Variants in GAS7 observed in about 807,000 individuals in gnomAD.
The protein encoded by GAS7 is growth arrest specific 7, also known as growth arrest-specific protein 7.
In GAS7, 28 loss-of-function variants were observed where a neutral mutation model predicts 71.1. The ratio of observed to expected loss-of-function variants is 0.39; its 90% CI spans 0.29 to 0.54. The LOEUF is 0.54. Ranked by LOEUF, GAS7 falls within the 20% of genes least tolerant of loss-of-function variation. The pLI is 0.62. For synonymous variants in GAS7, 258 were observed against 245.8 expected, an observed-to-expected ratio of 1.05 and a Z score of -0.46; for missense variants, 436 against 627.8, an observed-to-expected ratio of 0.69 and a Z score of 3.27.
intron 1 of GAS7, among the ~76,000 whole-genome samples, chr17:10,179,466 T>C (rs1014383028): frequency 7.1e-6 from 1 of 141,446 alleles, no homozygotes; most frequent in African/African-American, 2.7e-5. Context: ...CCAAGCTGGT[T>C]TATCTGTCAC....
intron 11 of GAS7, among the ~76,000 whole-genome samples, chr17:9,921,730 C>A (rs907525581): frequency 2.0e-5 from 3 of 151,978 alleles, no homozygotes; most frequent in Non-Finnish European, 2.9e-5. Context: ...GAGGCCGAGG[C>A]GGGTGGATCA....
intron 11 of GAS7, among the ~76,000 whole-genome samples, chr17:9,922,417 TC>T (rs2067851748): frequency 6.6e-6 from 1 of 152,228 alleles, no homozygotes; most frequent in Non-Finnish European, 1.5e-5. Context: ...ACTGTGGACC[TC>T]ATGGAAGGTT....
chr17:9,950,556 T>G (rs2068962553), intron 5 of GAS7, among the ~76,000 whole-genome samples: 1 of 151,952 alleles, frequency 6.6e-6, no homozygotes, highest in Admixed American at 6.6e-5. Flanking sequence ...ATCAAGATAG[T>G]TTTTTAAAAG....
intron 2 of GAS7, among the ~76,000 whole-genome samples, chr17:9,982,874 G>GA (rs1567853436): frequency 2.7e-5 from 4 of 150,806 alleles, no homozygotes; most frequent in African/African-American, 4.9e-5. Context: ...AGAAAGCAAA[G>GA]AAAGCAAAGA....
At chr17:10,131,467 A>G (rs2073996625) in intron 1 of GAS7, among the ~76,000 whole-genome samples, 1 of 152,170 alleles carries the variant, frequency 6.6e-6, no homozygotes, top group South Asian at 2.1e-4. Flanking sequence ...TACCAAAAAT[A>G]CAAAAATTAG....
At chr17:9,988,855 T>C (rs999252773) in intron 2 of GAS7, among the ~76,000 whole-genome samples, 1 of 150,674 alleles carries the variant, frequency 6.6e-6, no homozygotes, top group Non-Finnish European at 1.5e-5. Context: ...TTTCCTTTTT[T>C]TTTTTTTTTT....
chr17:9,918,139 C>A, intron 12 of GAS7, 40 bp from the exon 13 acceptor site: 1 of 1,469,524 alleles, frequency 6.8e-7, no homozygotes, highest in Non-Finnish European at 9.5e-7. Flanking sequence ...TGAGCACGTC[C>A]CCTCCACTTG....
Position 10,198,442 on chromosome 17 carries a change from G to T in GAS7, c.-52C>A, listed in dbSNP as rs756279700. The T allele has an allele frequency of 2.2e-6, 3 of 1,356,672 alleles. No homozygotes were observed. Among genetic ancestry groups the T allele is most frequent in the Non-Finnish European group, 2.9e-6 (3 of 1,041,184 alleles). 84.0% of individuals were successfully genotyped at this position (1,356,672 alleles called of 1,614,324 possible). A position where few individuals can be genotyped will look rare whatever the true frequency, so the allele number is the denominator to read the frequency against. ...AGCCTGCATTCCCGCCGAGCCCCACGGGCTGGGCAGCGGCTCCGCGGGGTC... is the reference window on the plus strand; with the variant it reads ...AGCCTGCATTCCCGCCGAGCCCCACTGGCTGGGCAGCGGCTCCGCGGGGTC... On this transcript the variant is annotated 5_prime_UTR_variant, in exon 1 of 14. Coordinates refer to ENST00000432992, the MANE Select transcript of GAS7 (RefSeq NM_201433.2).
intron 3 of GAS7, among the ~76,000 whole-genome samples, chr17:9,977,601 A>G (rs545264019): frequency 1.3e-5 from 2 of 152,296 alleles, no homozygotes; most frequent in Admixed American, 1.3e-4. Context: ...CTGGCATTAA[A>G]CACCTCTAGT....
At chr17:10,161,239 T>G (rs2074254262) in intron 1 of GAS7, among the ~76,000 whole-genome samples, 1 of 152,190 alleles carries the variant, frequency 6.6e-6, no homozygotes, top group African/African-American at 2.4e-5. Flanking sequence ...TTTGCCAAAC[T>G]ATACAGCAAA....
Position 9,915,478 on chromosome 17 carries a change from G to GT in GAS7, c.*1749dup. On this transcript the variant is annotated 3_prime_UTR_variant, in exon 14 of 14. Coordinates refer to ENST00000432992, the MANE Select transcript of GAS7 (RefSeq NM_201433.2). The stretch of plus-strand genomic sequence containing the variant: ...ACAGATCCTACCAGGAGGTCTTCAC[G>GT]TAGGTGAAGGCCTTTGTGCTGACCT... 4.4e-6 allele frequency: 1 copy of GT among 229,456 alleles called. No homozygotes were observed. The allele number at this position is 229,456 out of a possible 1,614,324, so 14.2% of individuals were successfully genotyped here. A position where few individuals can be genotyped will look rare whatever the true frequency, so the allele number is the denominator to read the frequency against.
chr17:10,005,320 T>TAC (rs1158250712), intron 2 of GAS7, among the ~76,000 whole-genome samples: 1 of 146,560 alleles, frequency 6.8e-6, no homozygotes, highest in African/African-American at 2.6e-5. Flanking sequence ...TACACACACA[T>TAC]ATATATATAC....
chr17:10,084,757 G>A (rs927906038), intron 1 of GAS7, among the ~76,000 whole-genome samples: 3 of 152,156 alleles, frequency 2.0e-5, no homozygotes, highest in Non-Finnish European at 4.4e-5. Flanking sequence ...GTGAGCCCCC[G>A]TGCCCGGCCC....
intron 1 of GAS7, among the ~76,000 whole-genome samples, chr17:10,027,630 G>T (rs2072500110): frequency 6.6e-6 from 1 of 152,200 alleles, no homozygotes. Flanking sequence ...TTATCTGGCA[G>T]ACACAGCAAC....
At chr17:10,001,131 C>A (rs1326075791) in intron 2 of GAS7, among the ~76,000 whole-genome samples, 2 of 152,132 alleles carry the variant, frequency 1.3e-5, no homozygotes, top group African/African-American at 4.8e-5. Flanking sequence ...AACGTAGCAA[C>A]ACCCCAAAAT....
At chr17:10,070,372 T>C (rs1287388884) in intron 1 of GAS7, among the ~76,000 whole-genome samples, 1 of 148,452 alleles carries the variant, frequency 6.7e-6, no homozygotes, top group Admixed American at 6.7e-5. Flanking sequence ...TTTTTAATTT[T>C]TAATTTTTGG....
intron 2 of GAS7, among the ~76,000 whole-genome samples, chr17:9,998,538 AG>A (rs1177587311): frequency 3.3e-5 from 5 of 151,904 alleles, no homozygotes; most frequent in Non-Finnish European, 7.3e-5. Flanking sequence ...TGGGAGGCCA[AG>A]GTAGGTGTCT....
intron 1 of GAS7, among the ~76,000 whole-genome samples, chr17:10,118,806 A>G (rs1246191393): frequency 6.6e-6 from 1 of 151,716 alleles, no homozygotes; most frequent in Non-Finnish European, 1.5e-5. Flanking sequence ...ATGAGGACCA[A>G]GCAGGCCCAG....
At chr17:9,918,576 ATG>A (rs1318046323) in intron 12 of GAS7, among the ~76,000 whole-genome samples, 6 of 152,184 alleles carry the variant, frequency 3.9e-5, no homozygotes, top group Non-Finnish European at 8.8e-5. Flanking sequence ...AAGGGGGCAC[ATG>A]TGGGAGCTCC....
Sources: allele counts gnomAD v4.1 joint callset (sites outside exome capture counted in the v4.1 genomes callset), GRCh38; gene constraint gnomAD v4.1.1; transcripts MANE v1.5; gene names NCBI Gene and HGNC (gene_info 2026-07-23, HGNC 2026-07-21).